Variants in OR6K3 observed in about 807,000 individuals in gnomAD.
OR6K3 encodes the protein olfactory receptor 6K3.
For synonymous variants in OR6K3, 169 were observed against 137.7 expected, an observed-to-expected ratio of 1.23 and a Z score of -1.59; for missense variants, 396 against 382.5, an observed-to-expected ratio of 1.04 and a Z score of -0.29.
intron 1 of OR6K3, 178 bp from the exon 2 acceptor site, chr1:158,718,310 T>A: frequency 2.1e-6 from 1 of 472,592 alleles, no homozygotes; most frequent in Non-Finnish European, 3.7e-6. Context: ...ATCAAACATT[T>A]TTTTTTGTAT....
At chr1:158,722,214 GAGA>G (rs1656295320), upstream of OR6K3, among the ~76,000 whole-genome samples, 3 of 151,944 alleles carry the variant, frequency 2.0e-5, no homozygotes, top group South Asian at 6.2e-4. Flanking sequence ...GTGTGTGAGA[GAGA>G]AGGAGAGAAT....
At chr1:158,722,028 A>G (rs1449822384), upstream of OR6K3, among the ~76,000 whole-genome samples, 4 of 151,852 alleles carry the variant, frequency 2.6e-5, no homozygotes, top group Non-Finnish European at 4.4e-5. Context: ...ATGAAAGAGC[A>G]TTTACTTTCA....
rs1224284235 is a variant in OR6K3, at chr1:158,717,983, T to G, written c.133A>C (p.Ile45Leu). 4.3e-6 allele frequency: 7 copies of G among 1,612,724 alleles called. No individual in the cohort carries two copies. Among genetic ancestry groups the G allele is most frequent in the African/African-American group, 1.3e-5 (1 of 74,776 alleles). The change falls in exon 2 of 2, where the codon ATC (isoleucine) becomes CTC (leucine). Residue 45 changes from isoleucine to leucine, a missense_variant. By Grantham distance (5) the Ile-to-Leu change is conservative. Transcript: ENST00000368145. ...YTFIIIDNLL[I>L]FSAVRLDTHL... ...GTGTCCAGCCTTACAGCAGAGAAGA[T>G]TAATAAGTTATCAATGATAATAAAA...
chr1:158,722,556 A>G (rs1656303390), upstream of OR6K3, among the ~76,000 whole-genome samples: 1 of 151,892 alleles, frequency 6.6e-6, no homozygotes, highest in South Asian at 2.1e-4. Context: ...TGTTTTTCCA[A>G]GCTTTAATTA....
chr1:158,723,772 G>T (rs907773366), upstream of OR6K3, among the ~76,000 whole-genome samples: 1 of 151,936 alleles, frequency 6.6e-6, no homozygotes, highest in Non-Finnish European at 1.5e-5. Flanking sequence ...AACTACTGTG[G>T]TTCGTAATTC....
rs1017199492 is a variant in OR6K3 at position 158,717,543 on chromosome 1, G to A, written c.573C>T (p.Asp191=). Residue 191 remains aspartate, a synonymous_variant, in exon 2 of 2, where the codon GAC becomes GAT. Coordinates refer to ENST00000368145, the MANE Select transcript of OR6K3 (RefSeq NM_001005327.3). ...CATCCTCAATCAGAATCATGGACGT[G>A]TCTGTACAGGCCAGGCTTAGCACAG... ...LVPVLSLACT[D]TSMILIEDVI... is the part of the protein sequence containing the mutation. 1.2e-6 allele frequency: 2 copies of A among 1,613,664 alleles called. No individual in the cohort carries two copies. The highest frequency in any genetic ancestry group is 2.7e-5 in the African/African-American group (2 of 74,884).
At chr1:158,724,627 G>A (rs1038451366), upstream of OR6K3, 10 of 241,396 alleles carry the variant, frequency 4.1e-5, no homozygotes, top group Non-Finnish European at 8.2e-5. Flanking sequence ...GGACCCCACA[G>A]AGAGCTGAAC....
At chr1:158,723,258 A>T (rs201281784), upstream of OR6K3, among the ~76,000 whole-genome samples, 2 of 80,940 alleles carry the variant, frequency 2.5e-5, no homozygotes, top group Non-Finnish European at 5.7e-5. Context: ...TCTATCTATC[A>T]CTTTGGAATG....
In OR6K3 at chr1:158,717,506, C is replaced by T. The variant is rs750090582; in HGVS notation, c.610G>A (p.Val204Met). 1.9e-6 allele frequency: 3 copies of T among 1,613,666 alleles called. No homozygotes were observed. Among genetic ancestry groups the T allele is most frequent in the Non-Finnish European group, 2.5e-6 (3 of 1,179,742 alleles). ...ATTAGGAAGGTAATGATGATGGTCACAGCATGAATCACATCCTCAATCAGA... is the reference window on the plus strand; with the variant it reads ...ATTAGGAAGGTAATGATGATGGTCATAGCATGAATCACATCCTCAATCAGA... ...MILIEDVIHA[V>M]TIIITFLIIA... The change falls in exon 2 of 2, where the codon GTG (valine) becomes ATG (methionine). Residue 204 changes from valine (V) to methionine (M), a missense_variant. Coordinates refer to ENST00000368145, the MANE Select transcript of OR6K3 (RefSeq NM_001005327.3).
Position 158,716,854 on chromosome 1 carries a change from A to C in OR6K3, c.*314T>G. The C allele has an allele frequency of 4.0e-6, 1 of 249,310 alleles. No homozygotes were observed. Among genetic ancestry groups the C allele is most frequent in the East Asian group, 9.2e-5 (1 of 10,884 alleles). 15.4% of individuals were successfully genotyped at this position (249,310 alleles called of 1,614,324 possible). On this transcript the variant is annotated 3_prime_UTR_variant, in exon 2 of 2. Coordinates refer to ENST00000368145, the MANE Select transcript of OR6K3 (RefSeq NM_001005327.3). ...TGGAAAGGGCCAGATGCGGTGGCTC[A>C]CAGCTGTAATCCCAGCATTTTGGGA...
rs146136418 is a variant in OR6K3 at position 158,717,330 on chromosome 1, G to A, written c.786C>T (p.Ser262=). 2.0e-4 allele frequency: 320 copies of A among 1,613,694 alleles called. 1 individual carries two copies. Among genetic ancestry groups the A allele is most frequent in the Admixed American group, 8.8e-4 (53 of 59,954 alleles). ...GSVSLMYLRF[S]DTYPPVLDTA... is the part of the protein sequence containing the mutation. ...TGTCCAAAACTGGTGGATAAGTGTCGCTGAAACGCAAGTACATGAGTGATA... is the reference window on the plus strand; with the variant it reads ...TGTCCAAAACTGGTGGATAAGTGTCACTGAAACGCAAGTACATGAGTGATA... Residue 262 remains serine, a synonymous_variant, in exon 2 of 2, where the codon AGC becomes AGT. Coordinates refer to ENST00000368145, the MANE Select transcript of OR6K3 (RefSeq NM_001005327.3).
chr1:158,717,255 G>T lies in OR6K3; in HGVS notation c.861C>A (p.Ile287=). ...FTVLAPFFNP[I]IYSLRNKDMN... is the part of the protein sequence containing the mutation. ...TGTCCTTGTTTCTCAGGCTATAAAT[G>T]ATGGGATTGAAGAATGGAGCAAGTA... is the stretch of plus-strand genomic sequence containing the variant. Residue 287 remains isoleucine (I), a synonymous_variant, in exon 2 of 2, where the codon ATC becomes ATA. Coordinates refer to ENST00000368145, the MANE Select transcript of OR6K3 (RefSeq NM_001005327.3). The T allele has an allele frequency of 6.2e-7, 1 of 1,613,634 alleles. No individual in the cohort carries two copies. Among genetic ancestry groups the T allele is most frequent in the Non-Finnish European group, 8.5e-7 (1 of 1,179,686 alleles).
intron 1 of OR6K3, among the ~76,000 whole-genome samples, chr1:158,718,334 A>G (rs1656218447): frequency 6.6e-6 from 1 of 150,666 alleles, no homozygotes; most frequent in African/African-American, 2.4e-5. Flanking sequence ...ACATTGGACA[A>G]TATGTACACT....
rs1469272545 is a variant in OR6K3 at position 158,717,325 on chromosome 1, G to A, written c.791C>T (p.Thr264Ile). 1 of 1,613,676 alleles carries A rather than the reference G, an allele frequency of 6.2e-7. No individual in the cohort carries two copies. The highest frequency in any genetic ancestry group is 8.5e-7 in the Non-Finnish European group (1 of 1,179,804). The change falls in exon 2 of 2, where the codon ACT (threonine) becomes ATT (isoleucine). Residue 264 changes from threonine to isoleucine, a missense_variant. By Grantham distance (89) the Thr-to-Ile change is moderately conservative. Coordinates refer to ENST00000368145, the MANE Select transcript of OR6K3 (RefSeq NM_001005327.3). The part of the protein sequence containing the change: ...VSLMYLRFSD[T>I]YPPVLDTAIA... ...GGCTGTGTCCAAAACTGGTGGATAA[G>A]TGTCGCTGAAACGCAAGTACATGAG... is the stretch of plus-strand genomic sequence containing the variant.
At position 158,718,058 on chromosome 1, in the gene OR6K3, G is replaced by A. The variant is rs750893541; in HGVS notation, c.58C>T (p.Leu20Phe). 2.5e-6 allele frequency: 4 copies of A among 1,613,164 alleles called. No individual in the cohort carries two copies. Among genetic ancestry groups the A allele is most frequent in the Admixed American group, 1.7e-5 (1 of 59,942 alleles). Residue 20 changes from leucine to phenylalanine, a missense_variant, in exon 2 of 2, where the codon CTT (leucine) becomes TTT (phenylalanine). Physicochemically the swap from Leu to Phe is conservative, Grantham distance 22 (BLOSUM62 0). Coordinates refer to ENST00000368145, the MANE Select transcript of OR6K3 (RefSeq NM_001005327.3). ...TEFIFTGFPQ[L>F]QDGSLLYFFP... Reference sequence around the variant, plus strand: ...AAGTACAGGAGACTACCATCCTGAAGCTGAGGGAATCCAGTGAAGATAAAT... The same window carrying A: ...AAGTACAGGAGACTACCATCCTGAAACTGAGGGAATCCAGTGAAGATAAAT...
rs572281531 is a variant in OR6K3 at position 158,717,936 on chromosome 1, A to G, written c.180T>C (p.Tyr60=). 1.6e-4 allele frequency: 256 copies of G among 1,613,758 alleles called. 6 individuals carry two copies. The South Asian group carries it at 2.6e-3, about 16-fold the overall frequency. The change falls in exon 2 of 2, where the codon TAT becomes TAC. Residue 60 remains tyrosine (Y), a synonymous_variant. Coordinates refer to ENST00000368145, the MANE Select transcript of OR6K3 (RefSeq NM_001005327.3). ...RLDTHLHNPM[Y]NFISIFSFLE... ...GAAAGGAAAATATACTGATAAAATT[A>G]TACATGGGGTTGTGGAGATGGGTGT...
upstream of OR6K3, chr1:158,724,434 A>G: frequency 4.3e-6 from 1 of 232,652 alleles, no homozygotes; most frequent in Non-Finnish European, 9.9e-6. Flanking sequence ...TAATCAGGAC[A>G]GAGAATACAA....
rs1656167938 is a variant in OR6K3 at position 158,717,215 on chromosome 1, T to G, written c.901A>C (p.Lys301Gln). The G allele has an allele frequency of 1.9e-6, 3 of 1,613,466 alleles. No homozygotes were observed. Among genetic ancestry groups the G allele is most frequent in the Non-Finnish European group, 2.5e-6 (3 of 1,179,600 alleles). ...ACTTTTTGAAGACAGAACAGTTTTT[T>G]AATCGCATTGTTCATGTCCTTGTTT... ...LRNKDMNNAI[K>Q]KLFCLQKVLN... Residue 301 changes from lysine (K) to glutamine (Q), a missense_variant, in exon 2 of 2, where the codon AAA (lysine) becomes CAA (glutamine). Physicochemically the swap from Lys to Gln is moderately conservative, Grantham distance 53. Transcript: ENST00000368145.
chr1:158,717,868 G>T lies in OR6K3; in HGVS notation c.248C>A (p.Ser83Tyr). ...YTTATIPKML[S>Y]NLISEKKAIS... ...GGCCTTCTTTTCACTGATGAGGTTG[G>T]AGAGCATCTTGGGAATGGTGGCTGT... The change falls in exon 2 of 2, where the codon TCC (serine) becomes TAC (tyrosine). Residue 83 changes from serine to tyrosine, a missense_variant. Coordinates refer to ENST00000368145, the MANE Select transcript of OR6K3 (RefSeq NM_001005327.3). 2.5e-6 allele frequency: 4 copies of T among 1,613,790 alleles called. No homozygotes were observed. The highest frequency in any genetic ancestry group is 3.4e-6 in the Non-Finnish European group (4 of 1,179,774).
Sources: gnomAD v4.1 joint callset for allele counts (sites outside exome capture counted in the v4.1 genomes callset) on GRCh38, gnomAD v4.1.1 for gene constraint, MANE v1.5 for transcripts, NCBI Gene and HGNC (gene_info 2026-07-23, HGNC 2026-07-21) for gene names.